The following KDM6A variants were observed in gnomAD, a reference collection of about 807,000 sequenced individuals.
KDM6A encodes the protein lysine-specific demethylase 6A.
Under a neutral mutation model 117.6 loss-of-function variants are expected in KDM6A, and 11 were observed. The observed-to-expected ratio is 0.09, with a 90% CI of 0.06 to 0.15. KDM6A has a LOEUF of 0.15. Among genes scored for constraint, KDM6A ranks in the 10% least tolerant of loss-of-function variants. The probability of loss-of-function intolerance (pLI) is 1.00; values close to 1 mark genes in which losing one functional copy is unlikely to be tolerated. For missense variants in KDM6A, 799 were observed against 1,077.3 expected (o/e 0.74, Z 3.62); for synonymous variants, 384 against 396.1 (o/e 0.97, Z 0.36).
chrX:44,881,234 C>A (rs1471406147), intron 2 of KDM6A, among the ~76,000 whole-genome samples: 1 of 112,497 alleles, frequency 8.9e-6, no homozygotes, highest in Non-Finnish European at 1.9e-5. Context: ...AGCTCGAGAC[C>A]AGCCTGGCTA....
At chrX:44,985,866 GTC>G (rs933648165) in intron 4 of KDM6A, among the ~76,000 whole-genome samples, 54 of 109,875 alleles carry the variant, frequency 4.9e-4, no homozygotes, top group African/African-American at 1.9e-3. Flanking sequence ...TGGTCTAAAA[GTC>G]TCTTTTTTGG....
intron 2 of KDM6A, among the ~76,000 whole-genome samples, chrX:44,880,772 A>G (rs1031963093): frequency 9.6e-6 from 1 of 103,664 alleles, no homozygotes; most frequent in Non-Finnish European, 2.0e-5. Context: ...AGCCTGGGCA[A>G]CAGAGCATGT....
chrX:45,011,595 G>A (rs750219056), intron 5 of KDM6A, among the ~76,000 whole-genome samples: 20 of 110,884 alleles, frequency 1.8e-4, no homozygotes, highest in Non-Finnish European at 3.4e-4. Flanking sequence ...TAATATTATG[G>A]CCTTTGCCCC....
intron 2 of KDM6A, among the ~76,000 whole-genome samples, chrX:44,947,095 A>C (rs1231323961): frequency 8.9e-6 from 1 of 112,021 alleles, no homozygotes; most frequent in Non-Finnish European, 1.9e-5. Context: ...GTTGTGATTA[A>C]AATATTGCAT....
chrX:45,030,773 G>C (rs912663877), intron 6 of KDM6A, among the ~76,000 whole-genome samples: 8 of 110,820 alleles, frequency 7.2e-5, no homozygotes, highest in African/African-American at 2.6e-4. Flanking sequence ...GCAGTGGTGC[G>C]ATCTTGGGTC....
intron 28 of KDM6A, among the ~76,000 whole-genome samples, 153 bp downstream of exon 28, chrX:45,107,689 A>G (rs764593053): frequency 1.8e-5 from 2 of 112,474 alleles, no homozygotes; most frequent in South Asian, 7.3e-4. Flanking sequence ...TAGCCATTAT[A>G]TTAAAATTCA....
At chrX:44,995,424 ATAATT>A (rs764417740) in intron 4 of KDM6A, among the ~76,000 whole-genome samples, 15 of 111,035 alleles carry the variant, frequency 1.4e-4, no homozygotes, top group East Asian at 2.8e-4. Context: ...AAATTATACT[ATAATT>A]TAAGGAAATA....
chrX:45,021,000 A>G (rs2042151072), intron 6 of KDM6A, among the ~76,000 whole-genome samples: 1 of 111,384 alleles, frequency 9.0e-6, no homozygotes, highest in Admixed American at 9.6e-5. Context: ...GAAAGGGTGA[A>G]GGTTTCAGTC....
At chrX:45,006,452 C>T (rs1229679420) in intron 4 of KDM6A, among the ~76,000 whole-genome samples, 5 of 110,684 alleles carry the variant, frequency 4.5e-5, no homozygotes, top group African/African-American at 1.3e-4. Flanking sequence ...CAATGGTGAG[C>T]GCACACTTGG....
chrX:44,902,096 G>T (rs59800914), intron 2 of KDM6A, among the ~76,000 whole-genome samples: 1 of 110,478 alleles, frequency 9.1e-6, no homozygotes, highest in East Asian at 2.9e-4. Flanking sequence ...GTATGGTGGC[G>T]CACGCCTGTA....
rs181300452 is a variant in KDM6A, at chrX:44,931,978, C to A, written c.226-29306C>A. ...ATCGAGAAATGGATGCCTGCTTGAA[C>A]CTGCTGATTTGTCTTGAACTGAAGA... On this transcript the variant is annotated intron_variant, in intron 2 of 29. Transcript: ENST00000611820. 1.6e-4 allele frequency among the ~76,000 whole-genome samples: 17 copies of A among 108,924 alleles called. No individual in the cohort carries two copies. The East Asian group carries it at 4.9e-3, about 31-fold the overall frequency. The allele number at this position is 108,924 out of a possible 115,157, so 94.6% of individuals were successfully genotyped here. A position where few individuals can be genotyped will look rare whatever the true frequency, so the allele number is the denominator to read the frequency against.
At chrX:44,907,965 G>T (rs2034835461) in intron 2 of KDM6A, among the ~76,000 whole-genome samples, 2 of 109,502 alleles carry the variant, frequency 1.8e-5, no homozygotes, top group African/African-American at 6.7e-5. Flanking sequence ...CAGTGTGTCT[G>T]TTTTAATTTA....
intron 2 of KDM6A, among the ~76,000 whole-genome samples, chrX:44,960,124 C>T: frequency 9.0e-6 from 1 of 111,525 alleles, no homozygotes; most frequent in Middle Eastern, 4.6e-3. Context: ...CTCTGTCCCA[C>T]ATCACATTTT....
intron 4 of KDM6A, among the ~76,000 whole-genome samples, chrX:44,991,208 CA>C (rs2040561874): frequency 8.9e-6 from 1 of 112,007 alleles, no homozygotes; most frequent in African/African-American, 3.2e-5. Flanking sequence ...TTGCTTCAAT[CA>C]AAGGTTTGTA....
chrX:45,050,207 C>T (rs1481381337), intron 8 of KDM6A, among the ~76,000 whole-genome samples: 1 of 112,540 alleles, frequency 8.9e-6, no homozygotes, highest in Admixed American at 9.4e-5. Flanking sequence ...GGCGTGGTGG[C>T]ACATGCCTAT....
At chrX:44,890,968 T>C (rs2033314383) in intron 2 of KDM6A, among the ~76,000 whole-genome samples, 1 of 110,782 alleles carries the variant, frequency 9.0e-6, no homozygotes, top group Non-Finnish European at 1.9e-5. Flanking sequence ...GTTCTTATTT[T>C]CCATCTGTAT....
At chrX:45,015,486 T>C (rs1332912609) in intron 5 of KDM6A, among the ~76,000 whole-genome samples, 1 of 111,332 alleles carries the variant, frequency 9.0e-6, no homozygotes, top group Non-Finnish European at 1.9e-5. Context: ...TAGGAATTTC[T>C]ACTCTCCTGT....
In KDM6A at chrX:44,890,741, G is replaced by A. The variant is rs1444145724; in HGVS notation, c.225+16754G>A. 3.3e-5 allele frequency among the ~76,000 whole-genome samples: 3 copies of A among 89,669 alleles called. No individual in the cohort carries two copies. In the East Asian group the frequency reaches 1.2e-3, roughly 36 times the overall value. The allele number at this position is 89,669 out of a possible 115,157, so 77.9% of individuals were successfully genotyped here. On this transcript the variant is annotated intron_variant, in intron 2 of 29. Transcript: ENST00000611820. ...GCGATCTCGGCTCACTGCAACCTCC[G>A]ACTCCTGGGGTTAAGTGATTTTCCT...
Position 45,059,116 on chromosome X carries a change from T to C in KDM6A, c.974+12T>C, listed in dbSNP as rs2147957825. The C allele has an allele frequency of 8.4e-7, 1 of 1,196,458 alleles. No individual in the cohort carries two copies. Among genetic ancestry groups the C allele is most frequent in the South Asian group, 1.8e-5 (1 of 56,616 alleles). On this transcript the variant is annotated intron_variant, in intron 11 of 29. Transcript: ENST00000611820. ...TGGTGTTCAATAGGGTAAGCCTTTGTATAAAAATAGTAGTAATTTAATTGA... is the reference window on the plus strand; with the variant it reads ...TGGTGTTCAATAGGGTAAGCCTTTGCATAAAAATAGTAGTAATTTAATTGA...
Sources: allele counts gnomAD v4.1 joint callset (sites outside exome capture counted in the v4.1 genomes callset), GRCh38; gene constraint gnomAD v4.1.1; transcripts MANE v1.5; gene names NCBI Gene and HGNC (gene_info 2026-07-23, HGNC 2026-07-21).